The following TMCC1 variants were observed in gnomAD, a reference collection of about 807,000 sequenced individuals.
TMCC1 encodes transmembrane and coiled-coil domain family 1, also known as transmembrane and coiled-coil domains protein 1.
A neutral mutation model predicts 52.4 loss-of-function variants in TMCC1; 15 were observed. That is an observed-to-expected ratio of 0.29 (90% CI 0.19 to 0.44). The LOEUF (loss-of-function observed/expected upper bound fraction) is 0.44, where lower values mean the gene tolerates loss of function less well. Ranked by LOEUF, TMCC1 falls within the 20% of genes least tolerant of loss-of-function variation. The pLI is 1.00. For synonymous variants in TMCC1, 279 were observed against 301.9 expected (o/e 0.92, Z 0.79); for missense variants, 503 against 806.0 (o/e 0.62, Z 4.55).
At chr3:129,757,477 G>A (rs1478488082) in intron 4 of TMCC1, among the ~76,000 whole-genome samples, 1 of 152,150 alleles carries the variant, frequency 6.6e-6, no homozygotes, top group Non-Finnish European at 1.5e-5. Flanking sequence ...CTCCTAAAGA[G>A]TGGCTATCCT....
At chr3:129,833,080 A>G (rs2058994042) in intron 2 of TMCC1, among the ~76,000 whole-genome samples, 1 of 152,198 alleles carries the variant, frequency 6.6e-6, no homozygotes, top group Non-Finnish European at 1.5e-5. Context: ...CTTGAAAAAG[A>G]TAAAGTGGCA....
intron 2 of TMCC1, among the ~76,000 whole-genome samples, chr3:129,854,876 C>T (rs1183622499): frequency 6.6e-6 from 1 of 152,162 alleles, no homozygotes; most frequent in Non-Finnish European, 1.5e-5. Context: ...TCCACCAGAC[C>T]CTAAGTTCCA....
intron 4 of TMCC1, among the ~76,000 whole-genome samples, chr3:129,683,228 G>C (rs1452272536): frequency 6.6e-6 from 1 of 152,224 alleles, no homozygotes; most frequent in Non-Finnish European, 1.5e-5. Flanking sequence ...TAGGTGATCA[G>C]AGTATTATTT....
At chr3:129,848,872 T>C (rs1168070258) in intron 2 of TMCC1, among the ~76,000 whole-genome samples, 1 of 151,126 alleles carries the variant, frequency 6.6e-6, no homozygotes, top group Admixed American at 6.6e-5. Context: ...TCCTACATCA[T>C]TGAAACATTC....
chr3:129,762,292 G>A (rs1285025039), intron 4 of TMCC1, among the ~76,000 whole-genome samples: 10 of 151,838 alleles, frequency 6.6e-5, no homozygotes, highest in East Asian at 3.9e-4. Context: ...TACCCGCCTC[G>A]GTTTCCCAAA....
chr3:129,831,316 G>C (rs2058901737), intron 3 of TMCC1, among the ~76,000 whole-genome samples: 1 of 152,094 alleles, frequency 6.6e-6, no homozygotes, highest in Non-Finnish European at 1.5e-5. Flanking sequence ...TGGGAGTAAG[G>C]TGTTAATTTC....
intron 4 of TMCC1, among the ~76,000 whole-genome samples, chr3:129,726,556 C>T (rs1051135092): frequency 3.2e-4 from 49 of 151,870 alleles, no homozygotes; most frequent in African/African-American, 1.2e-3. Flanking sequence ...TATACCTCTC[C>T]ATTAGAGATT....
At chr3:129,769,972 C>T (rs746617377) in intron 4 of TMCC1, among the ~76,000 whole-genome samples, 3 of 152,288 alleles carry the variant, frequency 2.0e-5, no homozygotes, top group Non-Finnish European at 4.4e-5. Context: ...GTGATGATTA[C>T]CAAAGGATTA....
At chr3:129,689,596 C>T (rs758130331) in intron 4 of TMCC1, among the ~76,000 whole-genome samples, 4 of 152,222 alleles carry the variant, frequency 2.6e-5, no homozygotes, top group African/African-American at 4.8e-5. Flanking sequence ...AATTTCTTTA[C>T]TTCTAGTTAA....
At chr3:129,761,225 G>C (rs2053561252) in intron 4 of TMCC1, among the ~76,000 whole-genome samples, 1 of 151,950 alleles carries the variant, frequency 6.6e-6, no homozygotes, top group African/African-American at 2.4e-5. Context: ...CTACTCGGGA[G>C]GGTGAGGCGG....
At chr3:129,731,835 G>C (rs1488306910) in intron 4 of TMCC1, among the ~76,000 whole-genome samples, 1 of 151,788 alleles carries the variant, frequency 6.6e-6, no homozygotes, top group Admixed American at 6.6e-5. Context: ...ATGCTGCCCA[G>C]GCTGGTCTTG....
intron 4 of TMCC1, among the ~76,000 whole-genome samples, chr3:129,773,912 C>G (rs1177159247): frequency 3.9e-5 from 6 of 152,072 alleles, no homozygotes; most frequent in African/African-American, 1.2e-4. Flanking sequence ...TACTGCACTC[C>G]AGCCTGGGCA....
intron 2 of TMCC1, among the ~76,000 whole-genome samples, chr3:129,843,571 A>T (rs1386647044): frequency 6.6e-6 from 1 of 152,122 alleles, no homozygotes; most frequent in Non-Finnish European, 1.5e-5. Flanking sequence ...AATAGATGTT[A>T]AAAAAGAATA....
intron 4 of TMCC1, among the ~76,000 whole-genome samples, chr3:129,742,750 AAAC>A (rs2051573709): frequency 6.6e-6 from 1 of 152,348 alleles, no homozygotes; most frequent in African/African-American, 2.4e-5. Context: ...CAAAAAGTAG[AAAC>A]AACATAAATG....
At chr3:129,850,496 C>G (rs2059868762) in intron 2 of TMCC1, among the ~76,000 whole-genome samples, 2 of 152,190 alleles carry the variant, frequency 1.3e-5, no homozygotes, top group South Asian at 4.1e-4. Context: ...CTCTGAAAAG[C>G]ATTCATAGAA....
chr3:129,887,080 T>C (rs902835802), intron 1 of TMCC1, among the ~76,000 whole-genome samples: 6 of 151,970 alleles, frequency 3.9e-5, no homozygotes, highest in African/African-American at 1.5e-4. Context: ...GCTTAATAGG[T>C]ATGGGGTTTC....
intron 4 of TMCC1, among the ~76,000 whole-genome samples, chr3:129,760,756 T>C (rs995348216): frequency 1.3e-5 from 2 of 150,984 alleles, no homozygotes; most frequent in Non-Finnish European, 3.0e-5. Flanking sequence ...GGATTACAGG[T>C]GTGAGCCACC....
At chr3:129,811,816 C>A (rs538410715) in intron 4 of TMCC1, among the ~76,000 whole-genome samples, 1 of 150,290 alleles carries the variant, frequency 6.7e-6, no homozygotes, top group Non-Finnish European at 1.5e-5. Context: ...TGGTGGCATG[C>A]GCCTGTAATC....
chr3:129,891,935 A>G (rs2061982473), intron 1 of TMCC1, among the ~76,000 whole-genome samples: 1 of 152,214 alleles, frequency 6.6e-6, no homozygotes, highest in Non-Finnish European at 1.5e-5. Flanking sequence ...GTCACCAACT[A>G]GTCTAGGGCA....
Sources: gnomAD v4.1 joint callset for allele counts (sites outside exome capture counted in the v4.1 genomes callset) on GRCh38, gnomAD v4.1.1 for gene constraint, MANE v1.5 for transcripts, NCBI Gene and HGNC (gene_info 2026-07-23, HGNC 2026-07-21) for gene names.